Variants in SV2C observed in about 807,000 individuals in gnomAD.
The protein encoded by SV2C is solute carrier family 22 member B3.
A neutral mutation model predicts 79.7 loss-of-function variants in SV2C; 49 were observed. That is an observed-to-expected ratio of 0.61 (90% CI 0.49 to 0.78). The LOEUF (loss-of-function observed/expected upper bound fraction) is 0.78, where lower values mean the gene tolerates loss of function less well. Ranked by LOEUF, SV2C falls within the 30% of genes least tolerant of loss-of-function variation. The pLI is 0.00. For synonymous variants in SV2C, 334 were observed against 333.2 expected (o/e 1.00, Z -0.03); for missense variants, 833 against 912.9 (o/e 0.91, Z 1.13).
chr5:76,187,044 G>T (rs888464192), intron 2 of SV2C, among the ~76,000 whole-genome samples: 1 of 152,170 alleles, frequency 6.6e-6, no homozygotes, highest in Non-Finnish European at 1.5e-5. Context: ...CCTCGCAAGG[G>T]ATGGGGATCC....
At chr5:75,868,334 A>G in the SV2C span, among the ~76,000 whole-genome samples, 1 of 152,212 alleles carries the variant, frequency 6.6e-6, no homozygotes. Flanking sequence ...CTGACCATTT[A>G]TGAAGGGTAT....
At chr5:75,879,537 T>C in the SV2C span, among the ~76,000 whole-genome samples, 1 of 152,172 alleles carries the variant, frequency 6.6e-6, no homozygotes, top group Non-Finnish European at 1.5e-5. Flanking sequence ...GATTCCATGT[T>C]CCATATTTAG....
rs376084851 is a variant in SV2C at position 76,132,356 on chromosome 5, A to G, written c.580+26A>G. On this transcript the variant is annotated intron_variant, in intron 2 of 12. Coordinates refer to ENST00000502798, the MANE Select transcript of SV2C (RefSeq NM_014979.4). Reference sequence around the variant, plus strand: ...GTGAGTGTGTGGTGTCAGTGAGGCCAACTCTGAAACTGGCTTATTTGTTAA... The same window carrying G: ...GTGAGTGTGTGGTGTCAGTGAGGCCGACTCTGAAACTGGCTTATTTGTTAA... 1.8e-5 allele frequency: 29 copies of G among 1,569,592 alleles called. No homozygotes were observed. In the African/African-American group the frequency reaches 3.1e-4, roughly 17 times the overall value.
chr5:76,141,261 T>G (rs1749242000), intron 2 of SV2C, among the ~76,000 whole-genome samples: 1 of 152,284 alleles, frequency 6.6e-6, no homozygotes, highest in Admixed American at 6.5e-5. Context: ...GATAGGAAAA[T>G]ATCCTTCTGC....
the SV2C span, among the ~76,000 whole-genome samples, chr5:75,893,278 T>A: frequency 1.2e-4 from 18 of 152,226 alleles, no homozygotes; most frequent in Admixed American, 7.9e-4. Flanking sequence ...ATTATTTGTT[T>A]TTTGCTTGTT....
At chr5:76,065,379 G>A in the SV2C span, among the ~76,000 whole-genome samples, 2 of 152,102 alleles carry the variant, frequency 1.3e-5, no homozygotes, top group Non-Finnish European at 2.9e-5. Context: ...GTCAGAAGGT[G>A]GCAAACCAGA....
chr5:75,858,318 G>A, the SV2C span, among the ~76,000 whole-genome samples: 1 of 152,170 alleles, frequency 6.6e-6, no homozygotes. Context: ...AGGAAAAGAT[G>A]TTGAATTTTA....
the SV2C span, among the ~76,000 whole-genome samples, chr5:75,969,082 G>A: frequency 1.8e-4 from 27 of 151,962 alleles, no homozygotes; most frequent in African/African-American, 6.0e-4. Flanking sequence ...ACTAAACCTC[G>A]TCAGTGAAGG....
chr5:76,301,314 C>A, intron 11 of SV2C, 72 bp from the exon 12 acceptor site: 1 of 1,576,350 alleles, frequency 6.3e-7, no homozygotes, highest in South Asian at 1.2e-5. Context: ...TGAGCAATCC[C>A]AAGGACCCAA....
At chr5:75,881,840 T>C in the SV2C span, among the ~76,000 whole-genome samples, 2 of 148,662 alleles carry the variant, frequency 1.3e-5, no homozygotes, top group African/African-American at 2.5e-5. Flanking sequence ...CTATGTTGAA[T>C]AGGAGTGGTG....
chr5:76,200,857 G>C (rs188870543), intron 3 of SV2C, among the ~76,000 whole-genome samples: 136 of 152,256 alleles, frequency 8.9e-4, no homozygotes, highest in African/African-American at 3.2e-3. Flanking sequence ...GCCAAGGCTG[G>C]TTTCAAACTC....
chr5:75,897,280 A>C, the SV2C span, among the ~76,000 whole-genome samples: 1 of 151,832 alleles, frequency 6.6e-6, no homozygotes, highest in Non-Finnish European at 1.5e-5. Context: ...TCAGCTTTCT[A>C]CATATGGCTA....
chr5:76,126,206 A>G (rs970634298), intron 1 of SV2C, among the ~76,000 whole-genome samples: 3 of 152,202 alleles, frequency 2.0e-5, no homozygotes, highest in South Asian at 2.1e-4. Flanking sequence ...GAAACCAGCT[A>G]CACTTAACTT....
chr5:76,141,840 A>T (rs1749263688), intron 2 of SV2C, among the ~76,000 whole-genome samples: 1 of 150,358 alleles, frequency 6.7e-6, no homozygotes, highest in Non-Finnish European at 1.5e-5. Flanking sequence ...AAAAAAAAAA[A>T]AAAAAGTAAA....
intron 12 of SV2C, among the ~76,000 whole-genome samples, chr5:76,321,992 AGTATTC>A: frequency 6.6e-6 from 1 of 152,238 alleles, no homozygotes; most frequent in East Asian, 1.9e-4. Context: ...TCCCCAGCTC[AGTATTC>A]GGTTTCTGCC....
At chr5:75,890,473 A>T in the SV2C span, among the ~76,000 whole-genome samples, 2 of 152,108 alleles carry the variant, frequency 1.3e-5, no homozygotes, top group African/African-American at 2.4e-5. Context: ...ACAATCCCAA[A>T]TGCCTATACT....
At chr5:76,269,038 C>T (rs1185188698) in intron 4 of SV2C, among the ~76,000 whole-genome samples, 1 of 152,194 alleles carries the variant, frequency 6.6e-6, no homozygotes, top group East Asian at 1.9e-4. Context: ...GAGTACCTCA[C>T]CTATGACATG....
At chr5:76,344,547 A>C (rs1749503046) in intron 12 of SV2C, among the ~76,000 whole-genome samples, 1 of 152,100 alleles carries the variant, frequency 6.6e-6, no homozygotes, top group Non-Finnish European at 1.5e-5. Flanking sequence ...CATCTCTACT[A>C]AAAGTACAAA....
chr5:76,084,621 C>A (rs1442624116), intron 1 of SV2C, among the ~76,000 whole-genome samples: 1 of 140,078 alleles, frequency 7.1e-6, no homozygotes, highest in Non-Finnish European at 1.5e-5. Flanking sequence ...GCCGCCTGGA[C>A]GGCCTGAGCT....
Sources: allele counts gnomAD v4.1 joint callset (sites outside exome capture counted in the v4.1 genomes callset), GRCh38; gene constraint gnomAD v4.1.1; transcripts MANE v1.5; gene names NCBI Gene and HGNC (gene_info 2026-07-23, HGNC 2026-07-21).